Variants in SLC35A1 observed in about 807,000 individuals in gnomAD.
SLC35A1 encodes CMP-sialic acid transporter.
SLC35A1 carries 21 observed loss-of-function variants against 40.3 expected under a neutral mutation model. The ratio of observed to expected loss-of-function variants is 0.52; its 90% CI spans 0.37 to 0.75. The LOEUF is 0.75. Among genes scored for constraint, SLC35A1 ranks in the 30% least tolerant of loss-of-function variants. SLC35A1 has a pLI of 0.00. For synonymous variants in SLC35A1, 146 were observed against 147.3 expected, an observed-to-expected ratio of 0.99 and a Z score of 0.06; for missense variants, 297 against 382.1, an observed-to-expected ratio of 0.78 and a Z score of 1.86.
At chr6:87,508,909 C>G (rs1202985627) in intron 6 of SLC35A1, 132 bp from the exon 7 acceptor site, 1 of 977,380 alleles carries the variant, frequency 1.0e-6, no homozygotes, top group African/African-American at 1.6e-5. Context: ...TCTCAGATGG[C>G]TCCTTCTAAG....
At chr6:87,476,911 C>T (rs546954126) in intron 1 of SLC35A1, among the ~76,000 whole-genome samples, 43 of 151,982 alleles carry the variant, frequency 2.8e-4, no homozygotes, top group Middle Eastern at 3.4e-3. Context: ...CCTGTAGTCC[C>T]GGGAGGCTGA....
chr6:87,488,082 A>T (rs1769439165), intron 2 of SLC35A1: 2 of 152,160 alleles, frequency 1.3e-5, no homozygotes, highest in Admixed American at 1.3e-4. Flanking sequence ...GGGGAAAAAG[A>T]TATCAACAGT....
In SLC35A1 at chr6:87,506,419, C is replaced by T. The variant is rs796234640; in HGVS notation, c.545C>T (p.Ala182Val). The T allele has an allele frequency of 6.2e-7, 1 of 1,613,586 alleles. No individual in the cohort carries two copies. The highest frequency in any genetic ancestry group is 8.5e-7 in the Non-Finnish European group (1 of 1,179,638). The change falls in exon 5 of 8, where the codon GCT (alanine) becomes GTT (valine). Residue 182 changes from alanine (A) to valine (V), a missense_variant. Physicochemically the swap from Ala to Val is moderately conservative, Grantham distance 64 (BLOSUM62 0). Coordinates refer to ENST00000369552, the MANE Select transcript of SLC35A1 (RefSeq NM_006416.5). ...QNPLLGFGAI[A>V]IAVLCSGFAG... ...CCATTATTAGGGTTTGGCGCTATAG[C>T]TATTGCTGTATTGTGCTCAGGATTT...
intron 1 of SLC35A1, 71 bp downstream of exon 1, chr6:87,473,090 G>A (rs1422512242): frequency 7.0e-6 from 3 of 427,490 alleles, no homozygotes; most frequent in Non-Finnish European, 8.3e-6. Context: ...GCGCTGGTCA[G>A]CCCCTGTCGG....
intron 4 of SLC35A1, among the ~76,000 whole-genome samples, chr6:87,502,661 A>G (rs1044263359): frequency 6.6e-6 from 1 of 152,256 alleles, no homozygotes; most frequent in African/African-American, 2.4e-5. Flanking sequence ...TATGTGGTTC[A>G]TCATGGACTG....
At chr6:87,509,709 A>G (rs1263900754) in intron 7 of SLC35A1, among the ~76,000 whole-genome samples, 2 of 152,186 alleles carry the variant, frequency 1.3e-5, no homozygotes, top group East Asian at 3.8e-4. Context: ...TTCATTCAAT[A>G]TGTAATTAAT....
At chr6:87,499,029 G>A in intron 2 of SLC35A1, 11 of 573,286 alleles carry the variant, frequency 1.9e-5, no homozygotes, top group Non-Finnish European at 2.4e-5. Context: ...TGTGGTGTGG[G>A]TTTGGATTTG....
intron 2 of SLC35A1, among the ~76,000 whole-genome samples, chr6:87,479,962 T>A (rs184318831): frequency 6.7e-4 from 102 of 152,304 alleles, no homozygotes; most frequent in African/African-American, 2.4e-3. Context: ...TTCCTCTGGT[T>A]GATGAAATGC....
chr6:87,511,482 C>A lies in SLC35A1; in HGVS notation c.970C>A (p.Gln324Lys), dbSNP rs749885000. 1.2e-6 allele frequency: 2 copies of A among 1,613,884 alleles called. No homozygotes were observed. The highest frequency in any genetic ancestry group is 1.7e-6 in the Non-Finnish European group (2 of 1,179,922). The change falls in exon 8 of 8, where the codon CAA (glutamine) becomes AAA (lysine). Residue 324 changes from glutamine to lysine, a missense_variant. Physicochemically the swap from Gln to Lys is moderately conservative, Grantham distance 53 (BLOSUM62 1). Transcript: ENST00000369552. ...GLPRQDTTSIQQGETASKERV... is the reference protein window; with the variant it reads ...GLPRQDTTSIKQGETASKERV... The stretch of plus-strand genomic sequence containing the variant: ...ACCCAGACAAGACACTACATCCATC[C>A]AACAAGGAGAAACAGCTTCAAAGGA...
At chr6:87,501,021 A>G in intron 3 of SLC35A1, 137 bp from the exon 4 acceptor site, 1 of 853,130 alleles carries the variant, frequency 1.2e-6, no homozygotes, top group Non-Finnish European at 1.9e-6. Flanking sequence ...AAGTTCTGGG[A>G]TTACAGGTGT....
chr6:87,508,711 C>G (rs1241276659), intron 6 of SLC35A1, 115 bp downstream of exon 6: 1 of 906,482 alleles, frequency 1.1e-6, no homozygotes, highest in Non-Finnish European at 1.7e-6. Flanking sequence ...CTGTAAATAC[C>G]AGTTTGAATA....
At chr6:87,506,488 T>A in intron 5 of SLC35A1, 40 bp downstream of exon 5, 1 of 1,555,980 alleles carries the variant, frequency 6.4e-7, no homozygotes. Context: ...TTGTCATATT[T>A]TTCGAAAACA....
Position 87,500,769 on chromosome 6 carries a change from A to G in SLC35A1, c.354+102A>G, listed in dbSNP as rs1383236767. 33 of 1,067,054 alleles carry G rather than the reference A, an allele frequency of 3.1e-5. No homozygotes were observed. In the South Asian group the frequency reaches 4.7e-4, roughly 15 times the overall value. 66.1% of individuals were successfully genotyped at this position (1,067,054 alleles called of 1,614,324 possible). A position where few individuals can be genotyped will look rare whatever the true frequency, so the allele number is the denominator to read the frequency against. On this transcript the variant is annotated intron_variant, in intron 3 of 7. Coordinates refer to ENST00000369552, the MANE Select transcript of SLC35A1 (RefSeq NM_006416.5). ...TATCAATTTTTTTTTTTTTTTTGAG[A>G]TGGAGTCTCGCTCTTTCGTCTAGGC...
intron 2 of SLC35A1, among the ~76,000 whole-genome samples, chr6:87,490,610 A>G (rs759471536): frequency 4.6e-5 from 7 of 152,132 alleles, no homozygotes; most frequent in Non-Finnish European, 1.0e-4. Context: ...TTTTATTTGA[A>G]AAAAAGGAAA....
chr6:87,495,937 G>A (rs1165518039), intron 2 of SLC35A1: 1 of 152,198 alleles, frequency 6.6e-6, no homozygotes, highest in Non-Finnish European at 1.5e-5. Context: ...TTAGAGGCGT[G>A]AGCCACCGTG....
Position 87,473,026 on chromosome 6 carries a change from A to C in SLC35A1, c.16+7A>C, listed in dbSNP as rs1768959623. The C allele has an allele frequency of 1.2e-5, 8 of 643,462 alleles. No individual in the cohort carries two copies. The South Asian group carries it at 2.4e-4, about 20-fold the overall frequency. 39.9% of individuals were successfully genotyped at this position (643,462 alleles called of 1,614,324 possible). ...ACCATGGCTGCCCCGAGAGGTGAGAACTGGGTCTGCTGGGAGTGGGGAGTC... is the reference window on the plus strand; with the variant it reads ...ACCATGGCTGCCCCGAGAGGTGAGACCTGGGTCTGCTGGGAGTGGGGAGTC... On this transcript the variant is annotated splice_region_variant and intron_variant, in intron 1 of 7. Coordinates refer to ENST00000369552, the MANE Select transcript of SLC35A1 (RefSeq NM_006416.5).
intron 2 of SLC35A1, among the ~76,000 whole-genome samples, chr6:87,494,588 A>T (rs375942414): frequency 1.6e-4 from 24 of 150,628 alleles, no homozygotes; most frequent in Middle Eastern, 6.8e-3. Context: ...ACGCCTGGCT[A>T]TTTTTTTTTG....
At chr6:87,486,579 A>G (rs886436520) in intron 2 of SLC35A1, among the ~76,000 whole-genome samples, 7 of 152,128 alleles carry the variant, frequency 4.6e-5, no homozygotes, top group African/African-American at 1.7e-4. Flanking sequence ...ATAATAAATA[A>G]TAAATAGGTG....
chr6:87,508,805 C>CA (rs1042923163), intron 6 of SLC35A1, among the ~76,000 whole-genome samples: 43 of 152,124 alleles, frequency 2.8e-4, no homozygotes, highest in African/African-American at 9.2e-4. Context: ...CTAACATTAG[C>CA]AAAAAATGTG....
Sources: allele counts gnomAD v4.1 joint callset (sites outside exome capture counted in the v4.1 genomes callset), GRCh38; gene constraint gnomAD v4.1.1; transcripts MANE v1.5; gene names NCBI Gene and HGNC (gene_info 2026-07-23, HGNC 2026-07-21).